Variants in NETO1 observed in about 807,000 individuals in gnomAD.
NETO1 encodes the protein neuropilin and tolloid-like protein 1.
NETO1 carries 26 observed loss-of-function variants against 61.3 expected under a neutral mutation model. The ratio of observed to expected loss-of-function variants is 0.42; its 90% CI spans 0.31 to 0.59. The LOEUF (loss-of-function observed/expected upper bound fraction) is 0.59. NETO1 is among the 20% of genes least tolerant of loss of function. The probability of loss-of-function intolerance (pLI) is 0.12; values close to 1 mark genes in which losing one functional copy is unlikely to be tolerated. For missense variants in NETO1, 531 were observed against 662.8 expected (o/e 0.80, Z 2.18); for synonymous variants, 225 against 225.8 (o/e 1.00, Z 0.03).
intron 7 of NETO1, among the ~76,000 whole-genome samples, chr18:72,759,675 T>C (rs1435242781): frequency 6.6e-6 from 1 of 152,198 alleles, no homozygotes; most frequent in Non-Finnish European, 1.5e-5. Context: ...GGGCAGCATG[T>C]ATTCTCAGAA....
At chr18:72,861,899 C>T (rs2074583777) in intron 3 of NETO1, among the ~76,000 whole-genome samples, 1 of 152,174 alleles carries the variant, frequency 6.6e-6, no homozygotes, top group Admixed American at 6.5e-5. Context: ...CTCTTAATTG[C>T]TTCATGTAAC....
At chr18:72,781,647 T>TAA (rs2071744070) in intron 7 of NETO1, among the ~76,000 whole-genome samples, 1 of 152,148 alleles carries the variant, frequency 6.6e-6, no homozygotes, top group African/African-American at 2.4e-5. Flanking sequence ...AAAGGGAATT[T>TAA]AAAGCCCAAA....
chr18:72,828,450 T>A (rs1176943919), intron 4 of NETO1, among the ~76,000 whole-genome samples: 1 of 152,196 alleles, frequency 6.6e-6, no homozygotes, highest in Non-Finnish European at 1.5e-5. Context: ...ATACATGCAC[T>A]GTTTTAAAAG....
intron 6 of NETO1, among the ~76,000 whole-genome samples, chr18:72,792,620 G>GT (rs1369826126): frequency 6.6e-6 from 1 of 151,190 alleles, no homozygotes; most frequent in African/African-American, 2.4e-5. Context: ...TGACTCCTCT[G>GT]TCCCTTCTTT....
intron 4 of NETO1, among the ~76,000 whole-genome samples, chr18:72,856,744 G>A (rs2074421850): frequency 6.6e-6 from 1 of 152,128 alleles, no homozygotes; most frequent in Admixed American, 6.5e-5. Context: ...ACTGGTAGGC[G>A]GAATTTCATC....
intron 4 of NETO1, among the ~76,000 whole-genome samples, chr18:72,826,451 T>G (rs1300876101): frequency 1.3e-5 from 2 of 152,184 alleles, no homozygotes; most frequent in African/African-American, 4.8e-5. Flanking sequence ...TTCTCGTGTT[T>G]TTTTAAATTG....
chr18:72,772,753 A>ATCTATC (rs2071393143), intron 7 of NETO1, among the ~76,000 whole-genome samples: 1 of 32,054 alleles, frequency 3.1e-5, no homozygotes, highest in Non-Finnish European at 5.4e-5. Flanking sequence ...ATCTCTCTAT[A>ATCTATC]TATATCTATA....
intron 4 of NETO1, among the ~76,000 whole-genome samples, chr18:72,817,020 C>T (rs1178627544): frequency 1.3e-5 from 2 of 152,134 alleles, no homozygotes; most frequent in Admixed American, 6.5e-5. Context: ...CCCTCCGGTA[C>T]GTCTATATTC....
At chr18:72,842,491 C>A (rs1276762219) in intron 4 of NETO1, among the ~76,000 whole-genome samples, 1 of 151,906 alleles carries the variant, frequency 6.6e-6, no homozygotes. Flanking sequence ...TTTTGTAAAT[C>A]CAGGGGAAAT....
chr18:72,865,335 G>C (rs962726991), intron 1 of NETO1, 94 bp from the exon 2 acceptor site: 2 of 1,239,694 alleles, frequency 1.6e-6, no homozygotes, highest in Non-Finnish European at 2.3e-6. Flanking sequence ...TAATATCAAA[G>C]CAGATTAATT....
intron 4 of NETO1, among the ~76,000 whole-genome samples, chr18:72,818,501 T>C (rs2073093769): frequency 1.3e-5 from 2 of 152,222 alleles, no homozygotes; most frequent in South Asian, 2.1e-4. Flanking sequence ...AAGCCTGTCA[T>C]ATGCTTCTTC....
In NETO1 at chr18:72,744,142, G is replaced by C. The variant is rs1384333737; in HGVS notation, c.*4037C>G. ...TACCTCTTTAATAATACACAAGAAA[G>C]TACAGAATCAGAGGCTACAAGAAAA... On this transcript the variant is annotated 3_prime_UTR_variant, in exon 11 of 11. Coordinates refer to ENST00000327305, the MANE Select transcript of NETO1 (RefSeq NM_138966.5). The C allele has an allele frequency of 6.6e-6, 1 of 152,148 alleles. No homozygotes were observed. The highest frequency in any genetic ancestry group is 6.5e-5 in the Admixed American group (1 of 15,278). 9.4% of individuals were successfully genotyped at this position (152,148 alleles called of 1,614,324 possible).
intron 7 of NETO1, among the ~76,000 whole-genome samples, chr18:72,780,678 T>C (rs2071706289): frequency 6.6e-6 from 1 of 152,206 alleles, no homozygotes; most frequent in Non-Finnish European, 1.5e-5. Context: ...ACTCACAAGA[T>C]GAACATTTTT....
intron 7 of NETO1, among the ~76,000 whole-genome samples, chr18:72,774,665 C>T (rs2071485307): frequency 1.3e-5 from 2 of 152,100 alleles, no homozygotes; most frequent in Admixed American, 1.3e-4. Flanking sequence ...GTGGCTTCTT[C>T]ATCTATGAAA....
At chr18:72,845,372 C>T (rs966487122) in intron 4 of NETO1, among the ~76,000 whole-genome samples, 1 of 152,184 alleles carries the variant, frequency 6.6e-6, no homozygotes, top group Admixed American at 6.5e-5. Context: ...GACAACCTAG[C>T]ACTGTAGTCC....
At chr18:72,835,373 C>T in intron 4 of NETO1, 1 of 1,481,568 alleles carries the variant, frequency 6.7e-7, no homozygotes, top group Non-Finnish European at 9.3e-7. Context: ...TATGATCAGG[C>T]ATGAATTGTA....
intron 4 of NETO1, among the ~76,000 whole-genome samples, chr18:72,821,425 G>A (rs944347504): frequency 2.6e-5 from 4 of 151,462 alleles, no homozygotes; most frequent in South Asian, 2.1e-4. Flanking sequence ...AAATAGCCAG[G>A]CGTGGTGGCA....
intron 7 of NETO1, among the ~76,000 whole-genome samples, chr18:72,760,700 T>C (rs1257990521): frequency 6.6e-6 from 1 of 152,134 alleles, no homozygotes; most frequent in Non-Finnish European, 1.5e-5. Flanking sequence ...CCCAAGCGAC[T>C]TAATAATGCA....
At chr18:72,748,327 T>C (rs1273572621) in intron 10 of NETO1, 163 bp from the exon 11 acceptor site, 3 of 982,416 alleles carry the variant, frequency 3.1e-6, no homozygotes, top group South Asian at 4.7e-5. Context: ...GCAGATTCAA[T>C]TGGAGACAAA....
Sources: allele counts gnomAD v4.1 joint callset (sites outside exome capture counted in the v4.1 genomes callset), GRCh38; gene constraint gnomAD v4.1.1; transcripts MANE v1.5; gene names NCBI Gene and HGNC (gene_info 2026-07-23, HGNC 2026-07-21).